The following MRLN variants were observed in gnomAD, a reference collection of about 807,000 sequenced individuals.
The protein encoded by MRLN is myoregulin.
At chr10:59,743,900 G>A (rs188252340) in intron 1 of MRLN, among the ~76,000 whole-genome samples, 2 of 152,164 alleles carry the variant, frequency 1.3e-5, no homozygotes, top group African/African-American at 4.8e-5. Context: ...TCCTGACCAT[G>A]AGTGATCTGC....
chr10:59,748,091 G>GT (rs796457239), intron 1 of MRLN, among the ~76,000 whole-genome samples: 28,113 of 135,740 alleles, frequency 0.21, 2,936 homozygotes, highest in Middle Eastern at 0.28. Context: ...TTTTTCTTTT[G>GT]TTTTTTTTTT....
intron 1 of MRLN, among the ~76,000 whole-genome samples, chr10:59,750,343 T>A (rs192129334): frequency 2.1e-3 from 315 of 152,266 alleles, no homozygotes; most frequent in Non-Finnish European, 3.7e-3. Context: ...AATGCTGGGA[T>A]TACAGGCATG....
At chr10:59,743,090 G>A (rs1205930306) in intron 1 of MRLN, among the ~76,000 whole-genome samples, 1 of 152,038 alleles carries the variant, frequency 6.6e-6, no homozygotes, top group African/African-American at 2.4e-5. Flanking sequence ...CAAAATAAAA[G>A]ACCAGAGAGA....
intron 1 of MRLN, among the ~76,000 whole-genome samples, 173 bp downstream of exon 1, chr10:59,753,181 C>T (rs1194999865): frequency 6.6e-6 from 1 of 152,080 alleles, no homozygotes; most frequent in Non-Finnish European, 1.5e-5. Flanking sequence ...CAGAGAGATG[C>T]TGCAGGGAAT....
At chr10:59,751,174 A>G (rs1841099266) in intron 1 of MRLN, among the ~76,000 whole-genome samples, 1 of 152,154 alleles carries the variant, frequency 6.6e-6, no homozygotes, top group South Asian at 2.1e-4. Context: ...CTGAAAATAG[A>G]TGGTTAGGCT....
At chr10:59,749,947 A>G (rs985228964) in intron 1 of MRLN, among the ~76,000 whole-genome samples, 2 of 150,456 alleles carry the variant, frequency 1.3e-5, no homozygotes, top group African/African-American at 4.9e-5. Context: ...AGCACTCCTG[A>G]GGGTCCATCT....
chr10:59,749,348 G>A lies in MRLN; in HGVS notation c.-125+4006C>T, dbSNP rs146994090. Among the ~76,000 whole-genome samples the A allele has an allele frequency of 4.0e-3, 613 of 152,290 alleles. 3 individuals carry two copies. The highest frequency in any genetic ancestry group is 0.014 in the African/African-American group (592 of 41,556). ...CAAGGATTTTTATGGAGATTTGTTTGGCTCCAATGCCCACGGCCTTAGCCA... is the reference window on the plus strand; with the variant it reads ...CAAGGATTTTTATGGAGATTTGTTTAGCTCCAATGCCCACGGCCTTAGCCA... On this transcript the variant is annotated intron_variant, in intron 1 of 2. Coordinates refer to ENST00000414264, the MANE Select transcript of MRLN (RefSeq NM_001304731.2).
At chr10:59,743,812 G>A (rs577013579) in intron 1 of MRLN, among the ~76,000 whole-genome samples, 149 of 152,232 alleles carry the variant, frequency 9.8e-4, no homozygotes, top group African/African-American at 3.4e-3. Context: ...TTGCAGGTGC[G>A]CGCCGCCACG....
At position 59,737,022 on chromosome 10, in the gene MRLN, A is replaced by T; in HGVS notation, c.*38T>A. 1 of 391,934 alleles carries T rather than the reference A, an allele frequency of 2.6e-6. No homozygotes were observed. The highest frequency in any genetic ancestry group is 6.5e-4 in the Middle Eastern group (1 of 1,544). 24.3% of individuals were successfully genotyped at this position (391,934 alleles called of 1,614,324 possible). A position where few individuals can be genotyped will look rare whatever the true frequency, so the allele number is the denominator to read the frequency against. On this transcript the variant is annotated 3_prime_UTR_variant, in exon 3 of 3. Coordinates refer to ENST00000414264, the MANE Select transcript of MRLN (RefSeq NM_001304731.2). ...AAAATACAAATTTTTATTCACTGTA[A>T]TTCAGTTTGAAATGTACATGGAAAG... is the stretch of plus-strand genomic sequence containing the variant.
At position 59,737,238 on chromosome 10, in the gene MRLN, A is replaced by C. The variant is rs1328571364; in HGVS notation, c.-20-18T>G. On this transcript the variant is annotated intron_variant, in intron 2 of 2. Transcript: ENST00000414264. ...CCCGCTCCCTAGGAAAAAAGAGAAA[A>C]GTATCCTCAAATGAACACATTTATA... 1 of 393,670 alleles carries C rather than the reference A, an allele frequency of 2.5e-6. No individual in the cohort carries two copies. Among genetic ancestry groups the C allele is most frequent in the Non-Finnish European group, 4.5e-6 (1 of 222,530 alleles). 24.4% of individuals were successfully genotyped at this position (393,670 alleles called of 1,614,324 possible). A position where few individuals can be genotyped will look rare whatever the true frequency, so the allele number is the denominator to read the frequency against.
chr10:59,741,592 C>T (rs1052517751), intron 1 of MRLN, among the ~76,000 whole-genome samples: 2 of 152,088 alleles, frequency 1.3e-5, no homozygotes, highest in African/African-American at 4.8e-5. Context: ...CCACGTTGCC[C>T]AGGCTGATAC....
intron 1 of MRLN, among the ~76,000 whole-genome samples, chr10:59,744,009 G>A (rs937398298): frequency 2.0e-5 from 3 of 152,084 alleles, no homozygotes; most frequent in South Asian, 2.1e-4. Flanking sequence ...ATCTCGGCTC[G>A]CTACAACCGC....
intron 1 of MRLN, among the ~76,000 whole-genome samples, chr10:59,746,942 G>A (rs1025462215): frequency 4.6e-5 from 7 of 152,222 alleles, no homozygotes; most frequent in Non-Finnish European, 1.0e-4. Context: ...TGGGATTACA[G>A]GCATGCACCA....
chr10:59,745,640 T>A (rs1841036566), intron 1 of MRLN, among the ~76,000 whole-genome samples: 2 of 152,078 alleles, frequency 1.3e-5, no homozygotes, highest in Admixed American at 1.3e-4. Context: ...TATTTCTTCC[T>A]TTGATTGTAT....
At chr10:59,752,658 G>A (rs2070170967) in intron 1 of MRLN, among the ~76,000 whole-genome samples, 1 of 152,208 alleles carries the variant, frequency 6.6e-6, no homozygotes, top group Non-Finnish European at 1.5e-5. Context: ...AGAAGGATTG[G>A]AGTGTCAGGT....
intron 1 of MRLN, among the ~76,000 whole-genome samples, chr10:59,747,962 T>G (rs1472140140): frequency 1.3e-5 from 2 of 152,242 alleles, no homozygotes; most frequent in Non-Finnish European, 2.9e-5. Context: ...ATCCCAAAGT[T>G]GGGTGCTTGC....
At chr10:59,747,482 T>A (rs192993869) in intron 1 of MRLN, among the ~76,000 whole-genome samples, 1 of 152,386 alleles carries the variant, frequency 6.6e-6, no homozygotes, top group Non-Finnish European at 1.5e-5. Context: ...TGATAGTGTC[T>A]ATTATTAATT....
At chr10:59,753,216 G>A (rs2070183535) in intron 1 of MRLN, 138 bp downstream of exon 1, 1 of 152,158 alleles carries the variant, frequency 6.6e-6, no homozygotes, top group African/African-American at 2.4e-5. Context: ...ATGAGTCTAA[G>A]TGAATTTTAG....
chr10:59,739,537 T>C (rs1016329248), intron 1 of MRLN: 4 of 152,224 alleles, frequency 2.6e-5, no homozygotes, highest in African/African-American at 9.7e-5. Context: ...TCTGTACATA[T>C]GCAATAGAGA....
Sources: allele counts gnomAD v4.1 joint callset (sites outside exome capture counted in the v4.1 genomes callset), GRCh38; gene constraint gnomAD v4.1.1; transcripts MANE v1.5; gene names NCBI Gene and HGNC (gene_info 2026-07-23, HGNC 2026-07-21).